Variants in EOGT observed in about 807,000 individuals in gnomAD.
EOGT encodes EGF domain-specific O-linked N-acetylglucosamine transferase.
Under a neutral mutation model 70.5 loss-of-function variants are expected in EOGT, and 55 were observed. That is an observed-to-expected ratio of 0.78 (90% CI 0.63 to 0.98). EOGT has a LOEUF of 0.98. EOGT is among the 50% of genes least tolerant of loss of function. The pLI, the probability that EOGT is intolerant of heterozygous loss-of-function variation, is 0.00. For synonymous variants in EOGT, 246 were observed against 217.1 expected, an observed-to-expected ratio of 1.13 and a Z score of -1.17; for missense variants, 703 against 641.9, an observed-to-expected ratio of 1.10 and a Z score of -1.03.
intron 14 of EOGT, among the ~76,000 whole-genome samples, chr3:68,985,055 C>T (rs965701250): frequency 6.6e-6 from 1 of 152,210 alleles, no homozygotes; most frequent in Admixed American, 6.5e-5. Context: ...TAATACAATA[C>T]CTACCTCATG....
rs1445457991 is a variant in EOGT at position 68,975,414 on chromosome 3, TTC to T, written c.*2202_*2203del. On this transcript the variant is annotated 3_prime_UTR_variant, in exon 18 of 18. Transcript: ENST00000383701. ...TATTTTCCTGTTTATATAAAATGTA[TTC>T]TCTCTTCAAATATAGCCGTTTTATT... The T allele has an allele frequency of 7.9e-5, 12 of 152,772 alleles. No homozygotes were observed. In the South Asian group the frequency reaches 1.0e-3, roughly 13 times the overall value. The allele number at this position is 152,772 out of a possible 1,614,324, so 9.5% of individuals were successfully genotyped here. A position where few individuals can be genotyped will look rare whatever the true frequency, so the allele number is the denominator to read the frequency against.
chr3:69,005,593 G>C (rs2091420097), intron 6 of EOGT, among the ~76,000 whole-genome samples: 1 of 152,150 alleles, frequency 6.6e-6, no homozygotes, highest in African/African-American at 2.4e-5. Context: ...TGAAAAAGCA[G>C]CTTCCAAAAG....
chr3:69,013,290 C>G (rs1218083626), intron 1 of EOGT, among the ~76,000 whole-genome samples: 2 of 151,712 alleles, frequency 1.3e-5, no homozygotes, highest in Non-Finnish European at 2.9e-5. Flanking sequence ...GGCTCCGCCC[C>G]GGCTGGAAAC....
rs918114386 is a variant in EOGT, at chr3:68,976,257, T to C, written c.*1361A>G. On this transcript the variant is annotated 3_prime_UTR_variant, in exon 18 of 18. Coordinates refer to ENST00000383701, the MANE Select transcript of EOGT (RefSeq NM_001278689.2). Reference sequence around the variant, plus strand: ...TTCTCTTCATGAGGCTAATTTGAAGTTTTTGAAATTAAAGACTGGAATACT... The same window carrying C: ...TTCTCTTCATGAGGCTAATTTGAAGCTTTTGAAATTAAAGACTGGAATACT... The C allele has an allele frequency of 6.6e-6, 1 of 152,204 alleles. No homozygotes were observed. The highest frequency in any genetic ancestry group is 1.5e-5 in the Non-Finnish European group (1 of 68,032). The allele number at this position is 152,204 out of a possible 1,614,324, so 9.4% of individuals were successfully genotyped here. A position where few individuals can be genotyped will look rare whatever the true frequency, so the allele number is the denominator to read the frequency against.
chr3:69,002,212 G>T (rs1016525757), intron 8 of EOGT, among the ~76,000 whole-genome samples: 4 of 152,152 alleles, frequency 2.6e-5, no homozygotes, highest in Non-Finnish European at 5.9e-5. Context: ...CCAGGCCCAG[G>T]TTGAGTCTAG....
chr3:68,984,231 AC>A (rs2090738038), intron 14 of EOGT, among the ~76,000 whole-genome samples: 1 of 152,066 alleles, frequency 6.6e-6, no homozygotes, highest in African/African-American at 2.4e-5. Flanking sequence ...TCACACTCAC[AC>A]ACACACACAC....
At position 69,009,685 on chromosome 3, in the gene EOGT, ATTG is replaced by A. The variant is rs781075286; in HGVS notation, c.159_161del (p.Asn54del). 7 of 1,613,960 alleles carry A rather than the reference ATTG, an allele frequency of 4.3e-6. No homozygotes were observed. The highest frequency in any genetic ancestry group is 1.7e-5 in the Admixed American group (1 of 59,994). On this transcript the variant is annotated inframe_deletion, in exon 4 of 18. Transcript: ENST00000383701. ...TCCTACAGACAGTGGCAATATGCCT[ATTG>A]TTGTGCAAAAAGAAGGGAATGTGCT...
At chr3:69,009,332 T>G (rs1214332093) in intron 4 of EOGT, among the ~76,000 whole-genome samples, 1 of 152,210 alleles carries the variant, frequency 6.6e-6, no homozygotes, top group Non-Finnish European at 1.5e-5. Flanking sequence ...GTGAAATTCT[T>G]TAGTTACTTT....
chr3:68,985,548 G>C (rs6549162), intron 14 of EOGT, among the ~76,000 whole-genome samples: 110,333 of 152,078 alleles, frequency 0.73, 41,422 homozygotes, highest in Admixed American at 0.82. Context: ...CTTGATCCTT[G>C]ATACCTTTCC....
chr3:69,008,699 C>T (rs1322657865), intron 4 of EOGT, among the ~76,000 whole-genome samples, 171 bp from the exon 5 acceptor site: 1 of 152,196 alleles, frequency 6.6e-6, no homozygotes, highest in Non-Finnish European at 1.5e-5. Context: ...AGAGCAGTCT[C>T]AAGGTTCTTA....
intron 9 of EOGT, among the ~76,000 whole-genome samples, chr3:68,999,223 A>G (rs2091236980): frequency 6.6e-6 from 1 of 152,246 alleles, no homozygotes; most frequent in African/African-American, 2.4e-5. Context: ...TACCCATCCC[A>G]GTGCCAGGCA....
chr3:68,987,412 T>G, intron 14 of EOGT, 33 bp downstream of exon 14: 1 of 1,393,254 alleles, frequency 7.2e-7, no homozygotes, highest in South Asian at 1.2e-5. Context: ...GAATTGAATA[T>G]GAAGGCATTA....
At chr3:68,984,264 A>G (rs1388582477) in intron 14 of EOGT, among the ~76,000 whole-genome samples, 1 of 151,988 alleles carries the variant, frequency 6.6e-6, no homozygotes, top group Non-Finnish European at 1.5e-5. Flanking sequence ...TAACATGGAA[A>G]TTTCCCTCTC....
In EOGT at chr3:69,011,193, C is replaced by CTTTTTTTTTTTTTTTT. The variant is rs57904466; in HGVS notation, c.-15+742_-15+743insAAAAAAAAAAAAAAAA. On this transcript the variant is annotated intron_variant, in intron 3 of 17. Coordinates refer to ENST00000383701, the MANE Select transcript of EOGT (RefSeq NM_001278689.2). ...AGGTCACTTTAGTGGGATCTTTGTT[C>CTTTTTTTTTTTTTTTT]TTTTTTTTTTTTTAAGTGCTCTTTC... 1.4e-4 allele frequency among the ~76,000 whole-genome samples: 16 copies of CTTTTTTTTTTTTTTTT among 113,248 alleles called. 4 individuals are homozygous for CTTTTTTTTTTTTTTTT. Among genetic ancestry groups the CTTTTTTTTTTTTTTTT allele is most frequent in the Non-Finnish European group, 2.4e-4 (14 of 58,232 alleles). 74.3% of individuals were successfully genotyped at this position (113,248 alleles called of 152,430 possible).
chr3:68,997,859 A>G (rs1455776516), intron 10 of EOGT, 152 bp downstream of exon 10: 1 of 555,444 alleles, frequency 1.8e-6, no homozygotes, highest in African/African-American at 2.0e-5. Context: ...GTCAACACAT[A>G]TATGTACAGA....
At chr3:69,004,552 T>A in intron 7 of EOGT, 70 bp from the exon 8 acceptor site, 1 of 959,052 alleles carries the variant, frequency 1.0e-6, no homozygotes, top group Non-Finnish European at 1.7e-6. Context: ...GGGTTGTAAC[T>A]AAAGTGGATT....
intron 6 of EOGT, among the ~76,000 whole-genome samples, chr3:69,006,450 G>A (rs528541627): frequency 9.9e-5 from 15 of 152,104 alleles, no homozygotes; most frequent in South Asian, 2.1e-4. Context: ...GTTGGAGATC[G>A]GAGACCCCTG....
chr3:69,007,889 A>G (rs1383579437), intron 5 of EOGT, 68 bp from the exon 6 acceptor site: 10 of 1,109,666 alleles, frequency 9.0e-6, no homozygotes, highest in African/African-American at 3.2e-5. Flanking sequence ...TTTTCATTCT[A>G]AAGGTTAAAA....
chr3:68,975,536 C>CT lies in EOGT; in HGVS notation c.*2081dup, dbSNP rs57738895. On this transcript the variant is annotated 3_prime_UTR_variant, in exon 18 of 18. Coordinates refer to ENST00000383701, the MANE Select transcript of EOGT (RefSeq NM_001278689.2). ...TGAGGTAAGAAGACAAACGGTGAAA[C>CT]TTTTTTCAGATCATTTTTTCAGAAG... 6.6e-6 allele frequency: 1 copy of CT among 152,420 alleles called. No individual in the cohort carries two copies. The highest frequency in any genetic ancestry group is 1.5e-5 in the Non-Finnish European group (1 of 67,968). The allele number at this position is 152,420 out of a possible 1,614,324, so 9.4% of individuals were successfully genotyped here. A position where few individuals can be genotyped will look rare whatever the true frequency, so the allele number is the denominator to read the frequency against.
Sources: allele counts gnomAD v4.1 joint callset (sites outside exome capture counted in the v4.1 genomes callset), GRCh38; gene constraint gnomAD v4.1.1; transcripts MANE v1.5; gene names NCBI Gene and HGNC (gene_info 2026-07-23, HGNC 2026-07-21).